Variants in ZNF43 observed in about 807,000 individuals in gnomAD.
ZNF43 encodes zinc finger protein 43, also known as zinc finger protein 39-like 1 (KOX 27).
A neutral mutation model predicts 68.4 loss-of-function variants in ZNF43; 44 were observed. The observed-to-expected ratio is 0.64, with a 90% CI of 0.51 to 0.83. ZNF43 has a LOEUF of 0.83. Ranked by LOEUF, ZNF43 falls within the 40% of genes least tolerant of loss-of-function variation. ZNF43 has a pLI of 0.00. For synonymous variants in ZNF43, 308 were observed against 307.8 expected (o/e 1.00, Z -0.01); for missense variants, 896 against 933.2 (o/e 0.96, Z 0.52).
At position 21,816,172 on chromosome 19, in the gene ZNF43, A is replaced by C. The variant is rs200260723; in HGVS notation, c.229+1716T>G. 3.0e-4 allele frequency among the ~76,000 whole-genome samples: 46 copies of C among 152,304 alleles called. No homozygotes were observed. The East Asian group carries it at 8.3e-3, about 27-fold the overall frequency. On this transcript the variant is annotated intron_variant, in intron 3 of 3. Transcript: ENST00000354959. ...CCCTACTTGCTTATCCCCACAGAGC[A>C]AGAACGTTTCTCAGCCATCCTAGAC...
chr19:21,814,090 G>A (rs949825783), intron 3 of ZNF43, among the ~76,000 whole-genome samples: 1 of 150,940 alleles, frequency 6.6e-6, no homozygotes, highest in South Asian at 2.1e-4. Context: ...GATTTAAGAT[G>A]GTAAATTTCA....
chr19:21,834,439 CA>C (rs1210821664), intron 1 of ZNF43, among the ~76,000 whole-genome samples: 1 of 150,160 alleles, frequency 6.7e-6, no homozygotes, highest in Non-Finnish European at 1.5e-5. Flanking sequence ...GCTTTCTTTT[CA>C]ATATGGAAAA....
intron 1 of ZNF43, chr19:21,841,718 G>A (rs905196215): frequency 2.1e-4 from 32 of 152,224 alleles, no homozygotes; most frequent in African/African-American, 7.7e-4. Flanking sequence ...GTTAAAGAGA[G>A]TGATATCACC....
chr19:21,812,272 G>A (rs912424919), intron 3 of ZNF43, among the ~76,000 whole-genome samples: 25 of 152,094 alleles, frequency 1.6e-4, no homozygotes, highest in African/African-American at 4.1e-4. Context: ...GATTACAGGC[G>A]CGCACCACCA....
At chr19:21,823,291 T>A (rs1261082612) in intron 1 of ZNF43, among the ~76,000 whole-genome samples, 3 of 152,112 alleles carry the variant, frequency 2.0e-5, no homozygotes, top group Admixed American at 6.6e-5. Context: ...TAGAAATTAG[T>A]TTATCTGTTT....
At position 21,831,366 on chromosome 19, in the gene ZNF43, T is replaced by A. The variant is rs546086857; in HGVS notation, c.3+4670A>T. Among the ~76,000 whole-genome samples the A allele has an allele frequency of 7.9e-5, 12 of 152,232 alleles. No homozygotes were observed. The South Asian group carries it at 2.1e-3, about 26-fold the overall frequency. On this transcript the variant is annotated intron_variant, in intron 1 of 3. Coordinates refer to ENST00000354959, the MANE Select transcript of ZNF43 (RefSeq NM_003423.4). ...CAGAAAATTTTTTTTTTTTAATTTT[T>A]ATTTTATTTTTTTGAGACGGTGTCT...
At chr19:21,835,911 G>C (rs2038699701) in intron 1 of ZNF43, 125 bp downstream of exon 1, 1 of 1,519,962 alleles carries the variant, frequency 6.6e-7, no homozygotes, top group African/African-American at 1.4e-5. Context: ...TCTTATGGCT[G>C]AAGGGGATTG....
chr19:21,817,386 C>A (rs1401671167), intron 3 of ZNF43, among the ~76,000 whole-genome samples: 1 of 151,756 alleles, frequency 6.6e-6, no homozygotes, highest in Non-Finnish European at 1.5e-5. Flanking sequence ...GGAAAAAGAA[C>A]AAAGCAAAGA....
At chr19:21,817,793 C>T in intron 3 of ZNF43, 95 bp downstream of exon 3, 1 of 1,307,838 alleles carries the variant, frequency 7.6e-7, no homozygotes, top group Non-Finnish European at 1.1e-6. Context: ...TCCTTTGGAA[C>T]ACAGCTTCCC....
At chr19:21,817,464 A>G (rs1469776900) in intron 3 of ZNF43, among the ~76,000 whole-genome samples, 2 of 152,228 alleles carry the variant, frequency 1.3e-5, no homozygotes, top group Non-Finnish European at 2.9e-5. Context: ...AACTGTGCAG[A>G]AAATATACAA....
intron 1 of ZNF43, among the ~76,000 whole-genome samples, chr19:21,825,589 TGGTGTGGCAGCA>T (rs920785198): frequency 2.2e-4 from 33 of 150,528 alleles, no homozygotes; most frequent in Non-Finnish European, 2.9e-4. Context: ...CTAAATCTGG[TGGTGTGGCAGCA>T]GGTTTCACCT....
upstream of ZNF43, chr19:21,839,880 T>C (rs1302065890): frequency 2.0e-5 from 3 of 152,092 alleles, no homozygotes; most frequent in Non-Finnish European, 4.4e-5. Context: ...TAACTTCATT[T>C]TTGGTGTTTA....
intron 3 of ZNF43, among the ~76,000 whole-genome samples, chr19:21,814,326 G>A (rs755730788): frequency 1.2e-4 from 18 of 150,974 alleles, no homozygotes; most frequent in Non-Finnish European, 2.2e-4. Context: ...TACAAGATAA[G>A]CTTTAACCAA....
intron 1 of ZNF43, among the ~76,000 whole-genome samples, chr19:21,830,121 G>A (rs1050474162): frequency 6.6e-6 from 1 of 151,842 alleles, no homozygotes; most frequent in Non-Finnish European, 1.5e-5. Context: ...TGTATTGGTG[G>A]GCACCTGTAA....
At chr19:21,849,061 G>A (rs936239990) in intron 1 of ZNF43, among the ~76,000 whole-genome samples, 5 of 152,158 alleles carry the variant, frequency 3.3e-5, no homozygotes, top group Non-Finnish European at 4.4e-5. Context: ...CCTCACCAGT[G>A]GGCTCCATCA....
At chr19:21,842,449 G>A (rs1967611936) in intron 1 of ZNF43, among the ~76,000 whole-genome samples, 2 of 148,434 alleles carry the variant, frequency 1.3e-5, no homozygotes, top group East Asian at 2.0e-4. Context: ...TCACAATCCC[G>A]CCTTGGGCAG....
chr19:21,806,169 C>CTTTTTTTTTTTTTTTTTTTTT lies in ZNF43; in HGVS notation c.*1437_*1438insAAAAAAAAAAAAAAAAAAAAA, dbSNP rs74174041. On this transcript the variant is annotated 3_prime_UTR_variant, in exon 4 of 4. Coordinates refer to ENST00000354959, the MANE Select transcript of ZNF43 (RefSeq NM_003423.4). ...CTCCAGTTACATTTTCATCACGCAT[C>CTTTTTTTTTTTTTTTTTTTTT]TTTTTTTTTTTTTTTTTTCTTTTTG... The CTTTTTTTTTTTTTTTTTTTTT allele has an allele frequency of 4.8e-5, 6 of 126,122 alleles. No homozygotes were observed. The highest frequency in any genetic ancestry group is 5.2e-5 in the Non-Finnish European group (3 of 57,922). The allele number at this position is 126,122 out of a possible 1,614,324, so 7.8% of individuals were successfully genotyped here. A position where few individuals can be genotyped will look rare whatever the true frequency, so the allele number is the denominator to read the frequency against.
chr19:21,839,912 T>G (rs183057993), upstream of ZNF43: 12 of 152,312 alleles, frequency 7.9e-5, no homozygotes, highest in Admixed American at 7.2e-4. Context: ...TGTCAAAATC[T>G]ACATTGTGAG....
chr19:21,836,162 G>A lies in ZNF43; in HGVS notation c.-124C>T. The A allele has an allele frequency of 1.9e-6, 3 of 1,564,290 alleles. No individual in the cohort carries two copies. The highest frequency in any genetic ancestry group is 1.2e-5 in the South Asian group (1 of 84,410). On this transcript the variant is annotated 5_prime_UTR_variant, in exon 1 of 4. Coordinates refer to ENST00000354959, the MANE Select transcript of ZNF43 (RefSeq NM_003423.4). ...CAGAAGAACGAAGACGAGACGCAGA[G>A]CTCCAACTGCAGCCAGAGACAAAGG...
Sources: gnomAD v4.1 joint callset for allele counts (sites outside exome capture counted in the v4.1 genomes callset) on GRCh38, gnomAD v4.1.1 for gene constraint, MANE v1.5 for transcripts, NCBI Gene and HGNC (gene_info 2026-07-23, HGNC 2026-07-21) for gene names.